The following PTPRD variants were observed in gnomAD, a reference collection of about 807,000 sequenced individuals.
PTPRD encodes the protein protein tyrosine phosphatase receptor type D.
Under a neutral mutation model 214.5 loss-of-function variants are expected in PTPRD, and 34 were observed. The observed-to-expected ratio is 0.16, with a 90% CI of 0.12 to 0.21. The LOEUF (loss-of-function observed/expected upper bound fraction) is 0.21, where lower values mean the gene tolerates loss of function less well. PTPRD is among the 10% of genes least tolerant of loss of function. PTPRD has a pLI of 1.00. For missense variants in PTPRD, 2,545 were observed against 2,398.7 expected, an observed-to-expected ratio of 1.06 and a Z score of -1.27; for synonymous variants, 1,128 against 845.7, an observed-to-expected ratio of 1.33 and a Z score of -5.79.
At chr9:10,589,381 C>A (rs2074812240) in intron 2 of PTPRD, among the ~76,000 whole-genome samples, 1 of 151,998 alleles carries the variant, frequency 6.6e-6, no homozygotes, top group African/African-American at 2.4e-5. Context: ...AAGTGTGGGA[C>A]CAGTCACTCA....
intron 2 of PTPRD, among the ~76,000 whole-genome samples, chr9:10,358,257 G>A (rs758879670): frequency 7.2e-5 from 11 of 151,940 alleles, no homozygotes; most frequent in Non-Finnish European, 1.5e-4. Context: ...TAATACTTTT[G>A]TCCAGAAATT....
At chr9:9,066,600 A>AG (rs1049401935) in intron 10 of PTPRD, among the ~76,000 whole-genome samples, 10 of 152,140 alleles carry the variant, frequency 6.6e-5, no homozygotes, top group Non-Finnish European at 1.0e-4. Context: ...GGAACTTGAG[A>AG]GGGGGGAGAT....
At chr9:9,181,896 A>T (rs1260548848) in intron 10 of PTPRD, among the ~76,000 whole-genome samples, 2 of 152,084 alleles carry the variant, frequency 1.3e-5, no homozygotes, top group Non-Finnish European at 2.9e-5. Flanking sequence ...CTCCCAAACA[A>T]GTGGCTTTTA....
At chr9:9,402,982 AAAAAAAACAC>A (rs1329533680) in intron 8 of PTPRD, among the ~76,000 whole-genome samples, 10 of 147,370 alleles carry the variant, frequency 6.8e-5, no homozygotes, top group Non-Finnish European at 1.3e-4. Flanking sequence ...AAAAAAAAAA[AAAAAAAACAC>A]CAAAAAAAAA....
intron 30 of PTPRD, among the ~76,000 whole-genome samples, chr9:8,482,432 T>C (rs1366005663): frequency 6.6e-6 from 1 of 152,028 alleles, no homozygotes; most frequent in Admixed American, 6.5e-5. Flanking sequence ...ACTATCTCTA[T>C]GGCGCTCCCA....
chr9:8,596,354 T>A (rs2094475740), intron 14 of PTPRD, among the ~76,000 whole-genome samples: 1 of 151,834 alleles, frequency 6.6e-6, no homozygotes, highest in Admixed American at 6.6e-5. Flanking sequence ...ACAAATACAA[T>A]AATTACTTTT....
At chr9:10,362,423 C>G (rs976882445) in intron 2 of PTPRD, among the ~76,000 whole-genome samples, 1 of 150,134 alleles carries the variant, frequency 6.7e-6, no homozygotes, top group African/African-American at 2.5e-5. Flanking sequence ...TCAAAAGGAA[C>G]TGAGCAATGA....
At chr9:9,686,892 C>T (rs930248499) in intron 7 of PTPRD, among the ~76,000 whole-genome samples, 4 of 151,728 alleles carry the variant, frequency 2.6e-5, no homozygotes, top group African/African-American at 9.7e-5. Flanking sequence ...CAGACATATG[C>T]TAACTTCTTC....
intron 7 of PTPRD, among the ~76,000 whole-genome samples, chr9:9,720,057 C>A (rs745621331): frequency 4.6e-5 from 7 of 152,168 alleles, no homozygotes; most frequent in Non-Finnish European, 1.0e-4. Flanking sequence ...CAATCAAAGA[C>A]TGCAAGGCTG....
At chr9:8,930,654 C>A (rs538551880) in intron 11 of PTPRD, among the ~76,000 whole-genome samples, 34 of 152,326 alleles carry the variant, frequency 2.2e-4, no homozygotes, top group African/African-American at 8.2e-4. Context: ...GATCACCATT[C>A]TAACTGGTGT....
At chr9:9,364,090 C>A (rs2057145838) in intron 9 of PTPRD, among the ~76,000 whole-genome samples, 1 of 151,270 alleles carries the variant, frequency 6.6e-6, no homozygotes, top group African/African-American at 2.4e-5. Flanking sequence ...TTTTCATGTG[C>A]CGATCTTCAG....
At chr9:8,441,742 C>G (rs1443280558) in intron 34 of PTPRD, among the ~76,000 whole-genome samples, 1 of 152,098 alleles carries the variant, frequency 6.6e-6, no homozygotes, top group Admixed American at 6.5e-5. Flanking sequence ...TCTCTCTAAC[C>G]TGATCCCCCA....
chr9:9,011,116 A>T (rs1309855839), intron 11 of PTPRD, among the ~76,000 whole-genome samples: 3 of 152,052 alleles, frequency 2.0e-5, no homozygotes, highest in Non-Finnish European at 4.4e-5. Flanking sequence ...GAGAGTGGCA[A>T]TTCTAGTCTG....
intron 2 of PTPRD, among the ~76,000 whole-genome samples, chr9:10,346,778 G>C (rs572435721): frequency 1.1e-4 from 16 of 152,262 alleles, no homozygotes; most frequent in Admixed American, 9.8e-4. Context: ...GGGTGGAAAA[G>C]TTTGCACAGG....
chr9:8,947,014 A>ATTTTTTTTTTT (rs143478859), intron 11 of PTPRD, among the ~76,000 whole-genome samples: 1 of 106,968 alleles, frequency 9.3e-6, no homozygotes, highest in Non-Finnish European at 1.8e-5. Flanking sequence ...GTCTCTCTGT[A>ATTTTTTTTTTT]TTTTTTTTTC....
chr9:10,591,956 T>C (rs1380690805), intron 2 of PTPRD, among the ~76,000 whole-genome samples: 1 of 152,140 alleles, frequency 6.6e-6, no homozygotes. Flanking sequence ...GATTGCAGCC[T>C]TGTAAGAGAT....
At chr9:8,875,775 G>C (rs1167919528) in intron 11 of PTPRD, among the ~76,000 whole-genome samples, 1 of 152,142 alleles carries the variant, frequency 6.6e-6, no homozygotes, top group Non-Finnish European at 1.5e-5. Flanking sequence ...TTTAGACTTA[G>C]TAAGAGTGGG....
At chr9:9,401,757 G>C (rs2070651008) in intron 8 of PTPRD, among the ~76,000 whole-genome samples, 1 of 152,094 alleles carries the variant, frequency 6.6e-6, no homozygotes, top group African/African-American at 2.4e-5. Flanking sequence ...AATCATGGGG[G>C]TGGTTACCTC....
At chr9:9,122,485 C>T (rs2099818532) in intron 10 of PTPRD, among the ~76,000 whole-genome samples, 1 of 152,210 alleles carries the variant, frequency 6.6e-6, no homozygotes, top group Admixed American at 6.5e-5. Flanking sequence ...GAAGGCATTG[C>T]TCTATTTTTT....
Sources: allele counts gnomAD v4.1 joint callset (sites outside exome capture counted in the v4.1 genomes callset), GRCh38; gene constraint gnomAD v4.1.1; transcripts MANE v1.5; gene names NCBI Gene and HGNC (gene_info 2026-07-23, HGNC 2026-07-21).